CNNM2: variants seen among roughly 807,000 people sequenced by gnomAD.
CNNM2 encodes the protein metal transporter CNNM2.
Under a neutral mutation model 66.9 loss-of-function variants are expected in CNNM2, and 12 were observed. The observed-to-expected ratio is 0.18, with a 90% CI of 0.11 to 0.29. The LOEUF is 0.29. Among genes scored for constraint, CNNM2 ranks in the 10% least tolerant of loss-of-function variants. The pLI is 1.00. For synonymous variants in CNNM2, 557 were observed against 501.8 expected (o/e 1.11, Z -1.47); for missense variants, 705 against 1,167.7 (o/e 0.60, Z 5.77).
chr10:102,930,282 A>T lies in CNNM2; in HGVS notation c.1621+10181A>T, dbSNP rs937887642. On this transcript the variant is annotated intron_variant, in intron 1 of 7. Transcript: ENST00000369878. ...TGCACGGAATATAGACATGCAAAAA[A>T]ATATATATATGTATACACTGGAAGG... is the stretch of plus-strand genomic sequence containing the variant. Among the ~76,000 whole-genome samples the T allele has an allele frequency of 1.5e-4, 23 of 152,350 alleles. 1 individual carries two copies. The highest frequency in any genetic ancestry group is 7.8e-4 in the Admixed American group (12 of 15,302).
At chr10:103,038,728 A>G (rs1034647643) in intron 1 of CNNM2, among the ~76,000 whole-genome samples, 3 of 152,166 alleles carry the variant, frequency 2.0e-5, no homozygotes, top group Non-Finnish European at 4.4e-5. Context: ...CTGTCCTGCT[A>G]GGGAGGTCTG....
chr10:103,062,952 G>T (rs939346492), intron 4 of CNNM2, among the ~76,000 whole-genome samples: 4 of 152,196 alleles, frequency 2.6e-5, no homozygotes, highest in Non-Finnish European at 5.9e-5. Context: ...GCTTCAGTAG[G>T]TCTGGGGTGG....
intron 1 of CNNM2, among the ~76,000 whole-genome samples, chr10:102,952,227 C>T (rs1267409508): frequency 6.6e-6 from 1 of 152,094 alleles, no homozygotes; most frequent in Non-Finnish European, 1.5e-5. Flanking sequence ...AGGCGTGAGC[C>T]ACCACGCTGG....
intron 1 of CNNM2, among the ~76,000 whole-genome samples, chr10:103,032,538 C>T (rs1216667604): frequency 6.6e-6 from 1 of 151,774 alleles, no homozygotes; most frequent in Non-Finnish European, 1.5e-5. Flanking sequence ...ACATTTGTTT[C>T]TAGAGTTTTC....
intron 1 of CNNM2, among the ~76,000 whole-genome samples, chr10:102,957,679 T>C (rs950799756): frequency 2.0e-5 from 3 of 152,196 alleles, no homozygotes; most frequent in African/African-American, 7.2e-5. Flanking sequence ...CTTTTGTCCT[T>C]GGAATTAAGC....
At chr10:102,924,285 G>A (rs1845768190) in intron 1 of CNNM2, among the ~76,000 whole-genome samples, 1 of 152,194 alleles carries the variant, frequency 6.6e-6, no homozygotes, top group Non-Finnish European at 1.5e-5. Flanking sequence ...AGTTGTCTAT[G>A]CTGAGGTGCA....
At position 103,006,428 on chromosome 10, in the gene CNNM2, A is replaced by G. The variant is rs1047004217; in HGVS notation, c.1622-43279A>G. On this transcript the variant is annotated intron_variant, in intron 1 of 7. Coordinates refer to ENST00000369878, the MANE Select transcript of CNNM2 (RefSeq NM_017649.5). ...CACCATGTTGGCCAGGCTGGTCTTG[A>G]ATCCGGACCTCAAGTGATCCACCCG... Among the ~76,000 whole-genome samples the G allele has an allele frequency of 1.1e-4, 16 of 152,050 alleles. No individual in the cohort carries two copies. The South Asian group carries it at 2.7e-3, about 26-fold the overall frequency.
At position 102,953,366 on chromosome 10, in the gene CNNM2, C is replaced by A. The variant is rs535461425; in HGVS notation, c.1621+33265C>A. ...CTGCCTCCTGGGTTCAAGCAGTTCT[C>A]CTGCCTCAGCCTCCTGAGTAGCTGG... On this transcript the variant is annotated intron_variant, in intron 1 of 7. Coordinates refer to ENST00000369878, the MANE Select transcript of CNNM2 (RefSeq NM_017649.5). Among the ~76,000 whole-genome samples, 16 of 152,094 alleles carry A rather than the reference C, an allele frequency of 1.1e-4. No individual in the cohort carries two copies. The South Asian group carries it at 3.3e-3, about 32-fold the overall frequency.
At chr10:102,984,388 G>A (rs528957616) in intron 1 of CNNM2, among the ~76,000 whole-genome samples, 1 of 152,112 alleles carries the variant, frequency 6.6e-6, no homozygotes, top group East Asian at 1.9e-4. Context: ...GGAGTAAGAT[G>A]GCTTTAGGAA....
At chr10:102,942,010 A>G (rs1846452945) in intron 1 of CNNM2, among the ~76,000 whole-genome samples, 1 of 152,186 alleles carries the variant, frequency 6.6e-6, no homozygotes, top group Admixed American at 6.5e-5. Flanking sequence ...TAATCTTCCT[A>G]GGAAGCCATT....
intron 1 of CNNM2, among the ~76,000 whole-genome samples, chr10:103,027,812 C>T (rs961243476): frequency 6.6e-6 from 1 of 152,116 alleles, no homozygotes; most frequent in African/African-American, 2.4e-5. Context: ...TGAGCACTTA[C>T]TATGTGCCAG....
chr10:103,012,011 G>A (rs2064352771), intron 1 of CNNM2, among the ~76,000 whole-genome samples: 1 of 151,980 alleles, frequency 6.6e-6, no homozygotes, highest in Non-Finnish European at 1.5e-5. Context: ...AATTTTTAAA[G>A]CACAGAGAAG....
intron 3 of CNNM2, among the ~76,000 whole-genome samples, chr10:103,055,107 G>T (rs2065275190): frequency 6.6e-6 from 1 of 152,140 alleles, no homozygotes; most frequent in African/African-American, 2.4e-5. Flanking sequence ...AACCCAGCCG[G>T]CACTGACTGC....
rs943048578 is a variant in CNNM2 at position 103,085,144 on chromosome 10, C to T, written c.*7964C>T. The T allele has an allele frequency of 5.9e-5, 9 of 152,058 alleles. No homozygotes were observed. Among genetic ancestry groups the T allele is most frequent in the South Asian group, 2.1e-4 (1 of 4,814 alleles). The allele number at this position is 152,058 out of a possible 1,614,324, so 9.4% of individuals were successfully genotyped here. ...CGTTTCTAAGGGAGAATTAGTTGCC[C>T]GACTTCTGAAGTGCTTTTCCTGTCA... is the stretch of plus-strand genomic sequence containing the variant. On this transcript the variant is annotated 3_prime_UTR_variant, in exon 8 of 8. Transcript: ENST00000369878.
rs989779025 is a variant in CNNM2, at chr10:103,087,350, T to C, written c.*10170T>C. 6.6e-6 allele frequency: 1 copy of C among 151,982 alleles called. No individual in the cohort carries two copies. The highest frequency in any genetic ancestry group is 1.5e-5 in the Non-Finnish European group (1 of 68,010). The allele number at this position is 151,982 out of a possible 1,614,324, so 9.4% of individuals were successfully genotyped here. A position where few individuals can be genotyped will look rare whatever the true frequency, so the allele number is the denominator to read the frequency against. Reference sequence around the variant, plus strand: ...AGGCACCATTTTGCTCTGGGTCTTATGGAATCCTAGAGCTCTTGAATACGT... The same window carrying C: ...AGGCACCATTTTGCTCTGGGTCTTACGGAATCCTAGAGCTCTTGAATACGT... On this transcript the variant is annotated 3_prime_UTR_variant, in exon 8 of 8. Coordinates refer to ENST00000369878, the MANE Select transcript of CNNM2 (RefSeq NM_017649.5).
chr10:102,980,069 A>G (rs1443189159), intron 1 of CNNM2, among the ~76,000 whole-genome samples: 4 of 151,950 alleles, frequency 2.6e-5, no homozygotes, highest in African/African-American at 7.3e-5. Flanking sequence ...ACGTGCCACC[A>G]AGCCCAGCTA....
chr10:103,074,167 A>G (rs957239304), intron 6 of CNNM2, among the ~76,000 whole-genome samples: 5 of 152,138 alleles, frequency 3.3e-5, no homozygotes, highest in Non-Finnish European at 5.9e-5. Context: ...GCATGCCTAT[A>G]ATCCCAGCTA....
At chr10:103,027,530 A>G (rs1203896534) in intron 1 of CNNM2, 1 of 152,244 alleles carries the variant, frequency 6.6e-6, no homozygotes, top group African/African-American at 2.4e-5. Flanking sequence ...GGTATTGAGA[A>G]ACTGAGCAAA....
chr10:103,046,164 A>G (rs2065124279), intron 1 of CNNM2, among the ~76,000 whole-genome samples: 1 of 152,244 alleles, frequency 6.6e-6, no homozygotes, highest in African/African-American at 2.4e-5. Context: ...AGTAACAATT[A>G]TGAGGCTGGC....
Sources: allele counts gnomAD v4.1 joint callset (sites outside exome capture counted in the v4.1 genomes callset), GRCh38; gene constraint gnomAD v4.1.1; transcripts MANE v1.5; gene names NCBI Gene and HGNC (gene_info 2026-07-23, HGNC 2026-07-21).